CPE: variants seen among roughly 807,000 people sequenced by gnomAD.
CPE encodes the protein carboxypeptidase E.
In CPE, 17 loss-of-function variants were observed where a neutral mutation model predicts 53.5. The observed-to-expected ratio is 0.32, with a 90% CI of 0.22 to 0.48. The LOEUF (loss-of-function observed/expected upper bound fraction) is 0.48. Ranked by LOEUF, CPE falls within the 20% of genes least tolerant of loss-of-function variation. CPE has a pLI of 0.99. For missense variants in CPE, 524 were observed against 614.7 expected (o/e 0.85, Z 1.56); for synonymous variants, 226 against 228.8 (o/e 0.99, Z 0.11).
At chr4:165,427,815 C>G (rs891907230) in intron 1 of CPE, among the ~76,000 whole-genome samples, 2 of 152,144 alleles carry the variant, frequency 1.3e-5, no homozygotes, top group Admixed American at 1.3e-4. Context: ...CTGTGAATCT[C>G]AGGCTGTAGT....
At chr4:165,404,922 G>T in intron 1 of CPE, 1 of 760,430 alleles carries the variant, frequency 1.3e-6, no homozygotes. Context: ...CTGACTGGGA[G>T]AGGAGATGTG....
At chr4:165,386,582 G>C (rs917273217) in intron 1 of CPE, among the ~76,000 whole-genome samples, 6 of 152,170 alleles carry the variant, frequency 3.9e-5, no homozygotes, top group Non-Finnish European at 7.3e-5. Context: ...TTGCATAATG[G>C]AGAAATATAC....
At chr4:165,462,763 A>AG (rs981103141) in intron 1 of CPE, among the ~76,000 whole-genome samples, 4 of 152,264 alleles carry the variant, frequency 2.6e-5, no homozygotes, top group African/African-American at 9.6e-5. Context: ...GTAAAAACTG[A>AG]GGGGGGTATA....
chr4:165,484,811 T>A (rs1240396791), intron 5 of CPE, among the ~76,000 whole-genome samples: 1 of 152,222 alleles, frequency 6.6e-6, no homozygotes, highest in Non-Finnish European at 1.5e-5. Context: ...TTAAAAATTG[T>A]GATGCTAATT....
chr4:165,444,251 A>G (rs1051374430), intron 1 of CPE, among the ~76,000 whole-genome samples: 7 of 152,190 alleles, frequency 4.6e-5, no homozygotes, highest in African/African-American at 1.7e-4. Flanking sequence ...CTGGTAAATG[A>G]TGTAACACAG....
intron 3 of CPE, among the ~76,000 whole-genome samples, chr4:165,481,675 C>T (rs1732415697): frequency 6.6e-6 from 1 of 152,106 alleles, no homozygotes. Context: ...TTTAAGATGA[C>T]CATTCCAAAG....
chr4:165,386,319 T>C (rs1489469966), intron 1 of CPE: 1 of 489,406 alleles, frequency 2.0e-6, no homozygotes. Flanking sequence ...TGCTCTAGGA[T>C]TGTATTTTGT....
chr4:165,386,810 A>G (rs1352134330), intron 1 of CPE, among the ~76,000 whole-genome samples: 2 of 152,246 alleles, frequency 1.3e-5, no homozygotes, highest in Non-Finnish European at 2.9e-5. Flanking sequence ...ACTCTGCATG[A>G]GACCTGAGTG....
chr4:165,489,440 A>G (rs1375524965), intron 6 of CPE, among the ~76,000 whole-genome samples: 1 of 152,182 alleles, frequency 6.6e-6, no homozygotes, highest in Non-Finnish European at 1.5e-5. Context: ...GCTTCACACG[A>G]GTGCTGTCAG....
chr4:165,432,632 C>T (rs539939318), intron 1 of CPE, among the ~76,000 whole-genome samples: 86 of 152,168 alleles, frequency 5.7e-4, no homozygotes, highest in Non-Finnish European at 1.1e-3. Flanking sequence ...TCAATAGTCA[C>T]AACAATTTCA....
intron 1 of CPE, among the ~76,000 whole-genome samples, chr4:165,442,054 T>G (rs1731624825): frequency 8.0e-6 from 1 of 125,632 alleles, no homozygotes; most frequent in African/African-American, 3.3e-5. Context: ...TTTGTTTTTT[T>G]TTTTTTGAGA....
intron 1 of CPE, among the ~76,000 whole-genome samples, chr4:165,414,798 A>G (rs138600126): frequency 2.2e-4 from 33 of 152,278 alleles, no homozygotes; most frequent in Admixed American, 1.0e-3. Flanking sequence ...GCATCCAGAA[A>G]CCAAATTGAG....
At chr4:165,447,608 A>G (rs954896470) in intron 1 of CPE, among the ~76,000 whole-genome samples, 1 of 151,648 alleles carries the variant, frequency 6.6e-6, no homozygotes, top group Non-Finnish European at 1.5e-5. Context: ...AAGAAAAGAA[A>G]TATCTTTATT....
intron 1 of CPE, among the ~76,000 whole-genome samples, chr4:165,432,760 T>G (rs1400782573): frequency 6.6e-6 from 1 of 152,128 alleles, no homozygotes; most frequent in Non-Finnish European, 1.5e-5. Flanking sequence ...CCCCACTCTC[T>G]CTGTTCATCT....
In CPE at chr4:165,480,812, C is replaced by G. The variant is rs544609055; in HGVS notation, c.673-1430C>G. Among the ~76,000 whole-genome samples the G allele has an allele frequency of 3.3e-5, 5 of 150,702 alleles. No individual in the cohort carries two copies. In the East Asian group the frequency reaches 9.7e-4, roughly 29 times the overall value. On this transcript the variant is annotated intron_variant, in intron 3 of 8. Transcript: ENST00000402744. ...AAGGTGTTCATTATCTGTTTTCAAG[C>G]AAAAAAAGCAGTATATAAAATGGCA...
At chr4:165,429,313 T>C (rs1731370883) in intron 1 of CPE, among the ~76,000 whole-genome samples, 1 of 152,226 alleles carries the variant, frequency 6.6e-6, no homozygotes, top group Admixed American at 6.5e-5. Flanking sequence ...AGGTTAACAA[T>C]TTTCTGTGTC....
intron 6 of CPE, among the ~76,000 whole-genome samples, chr4:165,490,614 A>C (rs1732584721): frequency 7.7e-6 from 1 of 130,598 alleles, no homozygotes; most frequent in South Asian, 2.5e-4. Context: ...TGGGCGACAG[A>C]GCGAGACTCC....
chr4:165,470,823 T>G (rs1181635649), intron 3 of CPE, among the ~76,000 whole-genome samples: 1 of 152,066 alleles, frequency 6.6e-6, no homozygotes, highest in Admixed American at 6.5e-5. Flanking sequence ...TGGTGGTGGT[T>G]GTTTTGTGGG....
chr4:165,485,285 T>A (rs568635355), intron 5 of CPE, among the ~76,000 whole-genome samples: 6 of 152,260 alleles, frequency 3.9e-5, no homozygotes, highest in South Asian at 2.1e-4. Flanking sequence ...TGCGAAGATA[T>A]TTATATATAT....
Sources: allele counts gnomAD v4.1 joint callset (sites outside exome capture counted in the v4.1 genomes callset), GRCh38; gene constraint gnomAD v4.1.1; transcripts MANE v1.5; gene names NCBI Gene and HGNC (gene_info 2026-07-23, HGNC 2026-07-21).